The following AP4S1 variants were observed in gnomAD, a reference collection of about 807,000 sequenced individuals.
The protein encoded by AP4S1 is adaptor related protein complex 4 subunit sigma 1, also known as AP-4 complex subunit sigma-1.
A neutral mutation model predicts 19.8 loss-of-function variants in AP4S1; 23 were observed. The observed-to-expected ratio is 1.16, with a 90% CI of 0.84 to 1.65. AP4S1 has a LOEUF of 1.65. Ranked by LOEUF, AP4S1 falls within the 40% of genes most tolerant of loss-of-function variation. The pLI is 0.00. For missense variants in AP4S1, 166 were observed against 172.8 expected (o/e 0.96, Z 0.22); for synonymous variants, 46 against 54.1 (o/e 0.85, Z 0.66).
chr14:31,045,630 C>T (rs985039957), intron 1 of AP4S1, among the ~76,000 whole-genome samples: 16 of 152,100 alleles, frequency 1.1e-4, no homozygotes, highest in African/African-American at 3.4e-4. Flanking sequence ...TAGTCTCGGG[C>T]AGTTCTTTAT....
intron 1 of AP4S1, among the ~76,000 whole-genome samples, chr14:31,039,571 T>TTTG (rs35559399): frequency 1.9e-5 from 2 of 106,044 alleles, no homozygotes; most frequent in Non-Finnish European, 4.0e-5. Context: ...GGTGTAGTTT[T>TTTG]GTTTTTTTTT....
At chr14:31,059,959 GTA>G (rs1238305734) in intron 1 of AP4S1, among the ~76,000 whole-genome samples, 4 of 119,752 alleles carry the variant, frequency 3.3e-5, no homozygotes, top group Non-Finnish European at 5.5e-5. Flanking sequence ...ATTTATTTAT[GTA>G]TATATATGTA....
intron 1 of AP4S1, chr14:31,027,286 CTA>C (rs1232705579): frequency 6.6e-6 from 1 of 152,106 alleles, no homozygotes; most frequent in African/African-American, 2.4e-5. Context: ...CATCAATAGA[CTA>C]TTTTGATCGA....
At chr14:31,025,875 G>GCTCC in intron 1 of AP4S1, 88 bp downstream of exon 1, 1 of 1,586,940 alleles carries the variant, frequency 6.3e-7, no homozygotes, top group Non-Finnish European at 8.6e-7. Flanking sequence ...AGCCGCCGCA[G>GCTCC]CTCCCGCACA....
intron 1 of AP4S1, among the ~76,000 whole-genome samples, chr14:31,035,932 A>G (rs191543445): frequency 0.012 from 1,872 of 151,898 alleles, 24 homozygotes; most frequent in Middle Eastern, 0.02. Flanking sequence ...GGGTTTCACC[A>G]TGTTAGCCAG....
intron 5 of AP4S1, chr14:31,085,367 G>T (rs898148285): frequency 2.0e-6 from 2 of 991,084 alleles, no homozygotes; most frequent in African/African-American, 3.5e-5. Flanking sequence ...TGCCTGGGGA[G>T]AGAAGCAAGA....
chr14:31,072,755 G>A (rs1224135114), intron 3 of AP4S1, 150 bp from the exon 4 acceptor site: 16 of 674,682 alleles, frequency 2.4e-5, no homozygotes, highest in Non-Finnish European at 4.0e-5. Context: ...GAACTGTTCT[G>A]AATATTTGTC....
In AP4S1 at chr14:31,093,018, A is replaced by G. The variant is rs1045096152; in HGVS notation, c.418A>G (p.Lys140Glu). 4.5e-6 allele frequency: 7 copies of G among 1,548,118 alleles called. No homozygotes were observed. The highest frequency in any genetic ancestry group is 6.1e-6 in the Non-Finnish European group (7 of 1,146,562). The part of the protein sequence containing the change: ...RILAPLLILD[K>E]MSES Reference sequence around the variant, plus strand: ...TCTTGCCCCTCTACTAATTCTTGATAAGATGTCAGAAAGCTGAAAGGAAGT... The same window carrying G: ...TCTTGCCCCTCTACTAATTCTTGATGAGATGTCAGAAAGCTGAAAGGAAGT... The change falls in exon 6 of 6, where the codon AAG becomes GAG. Residue 140 changes from lysine to glutamate, a missense_variant. Transcript: ENST00000542754.
chr14:31,075,741 A>ATTTT (rs199770029), intron 4 of AP4S1, among the ~76,000 whole-genome samples: 2 of 143,112 alleles, frequency 1.4e-5, no homozygotes, highest in African/African-American at 2.6e-5. Flanking sequence ...GGATATACCA[A>ATTTT]TTTTTTTTTT....
At chr14:31,065,369 C>A (rs973720899) in intron 1 of AP4S1, among the ~76,000 whole-genome samples, 10 of 152,168 alleles carry the variant, frequency 6.6e-5, no homozygotes, top group Admixed American at 1.3e-4. Flanking sequence ...TGTTCCTTGT[C>A]CCTCCCTTCT....
At chr14:31,069,099 C>G (rs1184446120) in intron 2 of AP4S1, among the ~76,000 whole-genome samples, 2 of 152,170 alleles carry the variant, frequency 1.3e-5, no homozygotes, top group Non-Finnish European at 2.9e-5. Flanking sequence ...CCAGCACACC[C>G]TAAAATCCAG....
intron 5 of AP4S1, among the ~76,000 whole-genome samples, chr14:31,087,190 G>T (rs1197505147): frequency 4.6e-5 from 7 of 151,746 alleles, no homozygotes; most frequent in Admixed American, 2.6e-4. Context: ...CTGTTGGCTG[G>T]TGTAAAACCT....
chr14:31,071,707 C>T (rs934683759), intron 3 of AP4S1, among the ~76,000 whole-genome samples: 7 of 150,950 alleles, frequency 4.6e-5, no homozygotes, highest in African/African-American at 7.3e-5. Context: ...CGTGAGCCAC[C>T]GCACCCGGCC....
At chr14:31,035,855 C>T (rs1042767528) in intron 1 of AP4S1, among the ~76,000 whole-genome samples, 7 of 151,660 alleles carry the variant, frequency 4.6e-5, no homozygotes, top group African/African-American at 1.5e-4. Context: ...TCAGCCTTCC[C>T]GAGTAGCTGG....
chr14:31,068,139 A>T (rs1886825068), intron 2 of AP4S1, among the ~76,000 whole-genome samples: 1 of 152,240 alleles, frequency 6.6e-6, no homozygotes, highest in South Asian at 2.1e-4. Context: ...AAGTGCTGGG[A>T]TTACAGGCAT....
chr14:31,073,823 C>T (rs1032664189), intron 4 of AP4S1, among the ~76,000 whole-genome samples: 1 of 150,388 alleles, frequency 6.6e-6, no homozygotes, highest in African/African-American at 2.4e-5. Flanking sequence ...GGATTACAGG[C>T]GTGAGCCACC....
intron 1 of AP4S1, among the ~76,000 whole-genome samples, chr14:31,063,344 C>T (rs1396310763): frequency 6.6e-6 from 1 of 152,086 alleles, no homozygotes; most frequent in Non-Finnish European, 1.5e-5. Context: ...GCTGGAGAAT[C>T]GCTTGAACCC....
intron 2 of AP4S1, among the ~76,000 whole-genome samples, chr14:31,067,256 T>A (rs556899126): frequency 8.0e-4 from 118 of 148,046 alleles, no homozygotes; most frequent in African/African-American, 2.7e-3. Context: ...AACTGCGTCC[T>A]TTTTTTTTTA....
At chr14:31,055,658 T>C (rs1481078086) in intron 1 of AP4S1, among the ~76,000 whole-genome samples, 1 of 152,146 alleles carries the variant, frequency 6.6e-6, no homozygotes, top group East Asian at 1.9e-4. Flanking sequence ...TTTTTAACTT[T>C]GGGGATTTTA....
Sources: gnomAD v4.1 joint callset for allele counts (sites outside exome capture counted in the v4.1 genomes callset) on GRCh38, gnomAD v4.1.1 for gene constraint, MANE v1.5 for transcripts, NCBI Gene and HGNC (gene_info 2026-07-23, HGNC 2026-07-21) for gene names.